Variants in DLG1 observed in about 807,000 individuals in gnomAD.
DLG1 encodes discs large MAGUK scaffold protein 1, also known as disks large homolog 1.
A neutral mutation model predicts 123.4 loss-of-function variants in DLG1; 42 were observed. The observed-to-expected ratio is 0.34, with a 90% CI of 0.27 to 0.44. The LOEUF (loss-of-function observed/expected upper bound fraction) is 0.44. Among genes scored for constraint, DLG1 ranks in the 20% least tolerant of loss-of-function variants. The probability of loss-of-function intolerance (pLI) is 1.00; values close to 1 mark genes in which losing one functional copy is unlikely to be tolerated. For synonymous variants in DLG1, 317 were observed against 356.2 expected, an observed-to-expected ratio of 0.89 and a Z score of 1.24; for missense variants, 942 against 1,082.6, an observed-to-expected ratio of 0.87 and a Z score of 1.82.
chr3:197,054,944 T>C (rs532745407), intron 23 of DLG1, among the ~76,000 whole-genome samples: 2 of 152,242 alleles, frequency 1.3e-5, no homozygotes, highest in African/African-American at 2.4e-5. Flanking sequence ...GCCTCCCAAG[T>C]AGCTGGGATT....
rs1234019957 is a variant in DLG1, at chr3:197,043,971, A to C, written c.*652T>G. 6.6e-6 allele frequency: 1 copy of C among 152,224 alleles called. No individual in the cohort carries two copies. Among genetic ancestry groups the C allele is most frequent in the African/African-American group, 2.4e-5 (1 of 41,472 alleles). The allele number at this position is 152,224 out of a possible 1,614,324, so 9.4% of individuals were successfully genotyped here. A position where few individuals can be genotyped will look rare whatever the true frequency, so the allele number is the denominator to read the frequency against. ...GATAGTGTTGCTCAAGTAGATTAAA[A>C]ACATTGAAACGTTGTTATTCCTAGC... On this transcript the variant is annotated 3_prime_UTR_variant, in exon 25 of 25. Transcript: ENST00000667157.
chr3:197,211,987 G>A (rs1731468896), intron 4 of DLG1, among the ~76,000 whole-genome samples: 1 of 146,348 alleles, frequency 6.8e-6, no homozygotes, highest in African/African-American at 2.4e-5. Flanking sequence ...AACTAACACA[G>A]GAACAGAAAA....
intron 6 of DLG1, among the ~76,000 whole-genome samples, chr3:197,145,892 A>G (rs1790523689): frequency 6.6e-6 from 1 of 151,960 alleles, no homozygotes. Context: ...GTGGGGGCTG[A>G]GACAGGAGAA....
chr3:197,127,259 C>G (rs1183526508), intron 11 of DLG1, among the ~76,000 whole-genome samples: 1 of 150,254 alleles, frequency 6.7e-6, no homozygotes, highest in Non-Finnish European at 1.5e-5. Flanking sequence ...CCCGTCTCTA[C>G]TAAAAATACA....
At chr3:197,079,112 A>C (rs1749225489) in intron 17 of DLG1, among the ~76,000 whole-genome samples, 1 of 152,006 alleles carries the variant, frequency 6.6e-6, no homozygotes, top group South Asian at 2.1e-4. Flanking sequence ...AAAACTGAAG[A>C]CTTGCTACCT....
Position 197,104,793 on chromosome 3 carries a change from A to G in DLG1, c.1546+110T>C, listed in dbSNP as rs12106880. ...TACTGGATTAGCAAATCAGAAAAAA[A>G]GCACAAAAAAGGAAGTTTAGCTTGG... On this transcript the variant is annotated intron_variant, in intron 14 of 24. Coordinates refer to ENST00000667157, the MANE Select transcript of DLG1 (RefSeq NM_001366207.1). 602 of 748,058 alleles carry G rather than the reference A, an allele frequency of 8.0e-4. 4 individuals are homozygous for G. The African/African-American group carries it at 9.5e-3, about 12-fold the overall frequency. The allele number at this position is 748,058 out of a possible 1,614,324, so 46.3% of individuals were successfully genotyped here. A position where few individuals can be genotyped will look rare whatever the true frequency, so the allele number is the denominator to read the frequency against.
At chr3:197,150,595 A>G (rs1290658753) in intron 5 of DLG1, among the ~76,000 whole-genome samples, 1 of 152,162 alleles carries the variant, frequency 6.6e-6, no homozygotes, top group Non-Finnish European at 1.5e-5. Flanking sequence ...ACACTTTCAG[A>G]GAATAAAAAA....
chr3:197,245,551 T>C (rs140917953), intron 4 of DLG1, among the ~76,000 whole-genome samples: 12 of 152,290 alleles, frequency 7.9e-5, no homozygotes, highest in African/African-American at 1.9e-4. Flanking sequence ...TATACATCCA[T>C]AGACTTTAAG....
At position 197,175,986 on chromosome 3, in the gene DLG1, T is replaced by C. The variant is rs184702154; in HGVS notation, c.483+18439A>G. ...AACTTCTCTGAATATATTTAGAATA[T>C]ATAAATTATAGCCTGTGAAACTTCT... On this transcript the variant is annotated intron_variant, in intron 5 of 24. Coordinates refer to ENST00000667157, the MANE Select transcript of DLG1 (RefSeq NM_001366207.1). Among the ~76,000 whole-genome samples the C allele has an allele frequency of 9.2e-4, 140 of 152,252 alleles. 1 individual carries two copies. Among genetic ancestry groups the C allele is most frequent in the African/African-American group, 3.0e-3 (126 of 41,554 alleles).
In DLG1 at chr3:197,282,840, G is replaced by C; in HGVS notation, c.157C>G (p.Gln53Glu). The C allele has an allele frequency of 6.6e-7, 1 of 1,518,034 alleles. No homozygotes were observed. The highest frequency in any genetic ancestry group is 9.0e-7 in the Non-Finnish European group (1 of 1,115,442). The allele number at this position is 1,518,034 out of a possible 1,614,324, so 94.0% of individuals were successfully genotyped here. Reference sequence around the variant, plus strand: ...AGTAAGGTCACTTCATAAAATTCTTGAATATCTAGAAGAAGGAAAATAAAA... The same window carrying C: ...AGTAAGGTCACTTCATAAAATTCTTCAATATCTAGAAGAAGGAAAATAAAA... ...SNLFQALIDI[Q>E]EFYEVTLLDN... is the part of the protein sequence containing the mutation. Residue 53 changes from glutamine to glutamate, a missense_variant, in exon 4 of 25, where the codon CAA becomes GAA. By Grantham distance (29) the Gln-to-Glu change is conservative. Coordinates refer to ENST00000667157, the MANE Select transcript of DLG1 (RefSeq NM_001366207.1).
chr3:197,252,285 T>C (rs1754809916), intron 4 of DLG1, among the ~76,000 whole-genome samples: 1 of 152,206 alleles, frequency 6.6e-6, no homozygotes, highest in South Asian at 2.1e-4. Flanking sequence ...AAAGAGATTA[T>C]ACTGTTTTCA....
chr3:197,072,160 G>A (rs975702979), intron 18 of DLG1, among the ~76,000 whole-genome samples: 1 of 151,772 alleles, frequency 6.6e-6, no homozygotes, highest in African/African-American at 2.4e-5. Flanking sequence ...ACTTCATTAG[G>A]CACTTCCCAA....
intron 4 of DLG1, among the ~76,000 whole-genome samples, chr3:197,253,167 ATCTGAC>A (rs144710684): frequency 6.8e-4 from 104 of 152,364 alleles, no homozygotes; most frequent in African/African-American, 2.5e-3. Flanking sequence ...GAAATGATAT[ATCTGAC>A]TAAGGACTAG....
chr3:197,200,260 G>A (rs1338209177), intron 4 of DLG1, among the ~76,000 whole-genome samples: 1 of 152,022 alleles, frequency 6.6e-6, no homozygotes, highest in Non-Finnish European at 1.5e-5. Flanking sequence ...CCAGACAGTT[G>A]AACAAATATT....
At chr3:197,276,259 G>A (rs188020359) in intron 4 of DLG1, among the ~76,000 whole-genome samples, 175 of 152,272 alleles carry the variant, frequency 1.1e-3, no homozygotes, top group African/African-American at 3.7e-3. Context: ...TCCCTTGTTG[G>A]TTTCTACTAA....
chr3:197,245,936 T>G (rs1751518727), intron 4 of DLG1, among the ~76,000 whole-genome samples: 2 of 146,700 alleles, frequency 1.4e-5, no homozygotes, highest in African/African-American at 2.5e-5. Context: ...GGTTATCCAG[T>G]ACCTGGGTGA....
intron 14 of DLG1, among the ~76,000 whole-genome samples, chr3:197,094,618 A>G (rs1759599803): frequency 1.3e-5 from 2 of 152,148 alleles, no homozygotes; most frequent in Non-Finnish European, 2.9e-5. Context: ...TTCATGTTAT[A>G]TACTCTCTTC....
chr3:197,223,524 C>G (rs1329485094), intron 4 of DLG1, among the ~76,000 whole-genome samples: 2 of 152,038 alleles, frequency 1.3e-5, no homozygotes, highest in African/African-American at 4.8e-5. Flanking sequence ...AAGCTCATTG[C>G]CATAAATGAA....
chr3:197,271,899 T>G (rs1764057669), intron 4 of DLG1, among the ~76,000 whole-genome samples: 1 of 152,196 alleles, frequency 6.6e-6, no homozygotes, highest in African/African-American at 2.4e-5. Context: ...TGAGAAAGAC[T>G]AGGTGAAGGC....
Sources: allele counts gnomAD v4.1 joint callset (sites outside exome capture counted in the v4.1 genomes callset), GRCh38; gene constraint gnomAD v4.1.1; transcripts MANE v1.5; gene names NCBI Gene and HGNC (gene_info 2026-07-23, HGNC 2026-07-21).